The following PTPRD variants were observed in gnomAD, a reference collection of about 807,000 sequenced individuals.
PTPRD encodes the protein receptor-type tyrosine-protein phosphatase delta.
Under a neutral mutation model 214.5 loss-of-function variants are expected in PTPRD, and 34 were observed. That is an observed-to-expected ratio of 0.16 (90% CI 0.12 to 0.21). The LOEUF is 0.21. Ranked by LOEUF, PTPRD falls within the 10% of genes least tolerant of loss-of-function variation. PTPRD has a pLI of 1.00. For missense variants in PTPRD, 2,545 were observed against 2,398.7 expected (o/e 1.06, Z -1.27); for synonymous variants, 1,128 against 845.7 (o/e 1.33, Z -5.79).
chr9:9,408,782 T>G (rs990369034), intron 8 of PTPRD, among the ~76,000 whole-genome samples: 1 of 151,902 alleles, frequency 6.6e-6, no homozygotes, highest in Non-Finnish European at 1.5e-5. Flanking sequence ...AATAAAATAA[T>G]GAACATAAAA....
At chr9:8,973,115 A>G in intron 11 of PTPRD, among the ~76,000 whole-genome samples, 1 of 151,934 alleles carries the variant, frequency 6.6e-6, no homozygotes, top group Non-Finnish European at 1.5e-5. Flanking sequence ...CTTTGATTTT[A>G]GACACAGGTG....
chr9:9,734,029 A>T (rs914016008), intron 7 of PTPRD, among the ~76,000 whole-genome samples: 1 of 152,196 alleles, frequency 6.6e-6, no homozygotes, highest in African/African-American at 2.4e-5. Context: ...CAAGGATTTT[A>T]AGAGTTTCCA....
chr9:9,862,331 G>A lies in PTPRD; in HGVS notation c.-368+76176C>T, dbSNP rs180757073. On this transcript the variant is annotated intron_variant, in intron 5 of 45. Coordinates refer to ENST00000381196, the MANE Select transcript of PTPRD (RefSeq NM_002839.4). Reference sequence around the variant, plus strand: ...GCAAAAAGAAAGGAAACACAAATTAGGTTAATGAAAGATCTGCCCCATCTA... The same window carrying A: ...GCAAAAAGAAAGGAAACACAAATTAAGTTAATGAAAGATCTGCCCCATCTA... Among the ~76,000 whole-genome samples, 424 of 152,258 alleles carry A rather than the reference G, an allele frequency of 2.8e-3. 8 individuals carry two copies. The highest frequency in any genetic ancestry group is 7.5e-4 in the Non-Finnish European group (51 of 68,020).
chr9:9,948,466 G>T (rs1193716614), intron 4 of PTPRD, among the ~76,000 whole-genome samples: 1 of 151,952 alleles, frequency 6.6e-6, no homozygotes, highest in Admixed American at 6.6e-5. Context: ...CAAATAAATG[G>T]CAGGTGATGA....
At chr9:10,458,877 C>A (rs753925965) in intron 2 of PTPRD, among the ~76,000 whole-genome samples, 2 of 151,960 alleles carry the variant, frequency 1.3e-5, no homozygotes, top group Non-Finnish European at 2.9e-5. Flanking sequence ...CATATCATTT[C>A]TTTTATTTTT....
chr9:9,763,939 A>G (rs948880797), intron 6 of PTPRD, among the ~76,000 whole-genome samples: 1 of 152,134 alleles, frequency 6.6e-6, no homozygotes. Flanking sequence ...TATTTGGCCA[A>G]TTCCTCATTT....
chr9:8,686,037 A>C (rs1181980575), intron 12 of PTPRD, among the ~76,000 whole-genome samples: 1 of 152,198 alleles, frequency 6.6e-6, no homozygotes, highest in African/African-American at 2.4e-5. Flanking sequence ...TCTGAATGCT[A>C]AGGGACTCTC....
intron 39 of PTPRD, among the ~76,000 whole-genome samples, chr9:8,345,022 CAG>C (rs1856243945): frequency 1.5e-5 from 1 of 64,606 alleles, no homozygotes; most frequent in African/African-American, 3.2e-5. Context: ...AAAATTATGA[CAG>C]AATTACTTTA....
At position 10,393,635 on chromosome 9, in the gene PTPRD, G is replaced by GTA. The variant is rs529678306; in HGVS notation, c.-599-52620_-599-52619dup. On this transcript the variant is annotated intron_variant, in intron 2 of 45. Coordinates refer to ENST00000381196, the MANE Select transcript of PTPRD (RefSeq NM_002839.4). ...GCAAGACCCAGTACTTATTCTGCAAGTATATATATATATTAGAGAGAGAGA... is the reference window on the plus strand; with the variant it reads ...GCAAGACCCAGTACTTATTCTGCAAGTATATATATATATATTAGAGAGAGAGA... Among the ~76,000 whole-genome samples, 113 of 146,342 alleles carry GTA rather than the reference G, an allele frequency of 7.7e-4. 1 individual carries two copies. The highest frequency in any genetic ancestry group is 1.5e-3 in the Admixed American group (21 of 14,436).
chr9:9,780,129 A>C (rs192080462), intron 5 of PTPRD, among the ~76,000 whole-genome samples: 1 of 152,334 alleles, frequency 6.6e-6, no homozygotes, highest in African/African-American at 2.4e-5. Context: ...ATGGAGCTGG[A>C]GACCATAATC....
At chr9:10,210,809 ATATATATATATATG>A (rs1408457323) in intron 3 of PTPRD, among the ~76,000 whole-genome samples, 1 of 95,408 alleles carries the variant, frequency 1.0e-5, no homozygotes, top group African/African-American at 5.0e-5. Flanking sequence ...ATATATATAT[ATATATATATATATG>A]TATGTATGTA....
intron 3 of PTPRD, among the ~76,000 whole-genome samples, chr9:10,307,976 G>C (rs1237490712): frequency 6.6e-6 from 1 of 151,922 alleles, no homozygotes; most frequent in East Asian, 1.9e-4. Context: ...TTCCTTACAG[G>C]ATGAATAGTT....
At chr9:9,680,158 T>G (rs1306261166) in intron 7 of PTPRD, among the ~76,000 whole-genome samples, 2 of 151,880 alleles carry the variant, frequency 1.3e-5, no homozygotes, top group Non-Finnish European at 2.9e-5. Flanking sequence ...ATACTTTATT[T>G]CCAGCAATCC....
chr9:9,159,198 T>C (rs1274981272), intron 10 of PTPRD, among the ~76,000 whole-genome samples: 1 of 152,072 alleles, frequency 6.6e-6, no homozygotes, highest in African/African-American at 2.4e-5. Flanking sequence ...TACAAATTCC[T>C]AGCCATAGTA....
chr9:8,669,536 A>C (rs1234490776), intron 12 of PTPRD, among the ~76,000 whole-genome samples: 2 of 152,070 alleles, frequency 1.3e-5, no homozygotes, highest in African/African-American at 2.4e-5. Context: ...CTCCCATATA[A>C]AAAGACACCA....
At chr9:10,341,904 A>G (rs1337254565) in intron 2 of PTPRD, among the ~76,000 whole-genome samples, 1 of 151,694 alleles carries the variant, frequency 6.6e-6, no homozygotes, top group African/African-American at 2.4e-5. Context: ...GTGTTAAGCA[A>G]TCTTAGCAAC....
chr9:10,074,535 T>C (rs1404039611), intron 3 of PTPRD, among the ~76,000 whole-genome samples: 4 of 152,168 alleles, frequency 2.6e-5, no homozygotes, highest in Non-Finnish European at 2.9e-5. Context: ...ATTAATGTTT[T>C]GGATGCTCTT....
At chr9:9,077,077 C>G (rs868445463) in intron 10 of PTPRD, among the ~76,000 whole-genome samples, 2 of 151,634 alleles carry the variant, frequency 1.3e-5, no homozygotes, top group Non-Finnish European at 2.9e-5. Context: ...TTTTCATATA[C>G]CTGTTTGCCA....
chr9:10,340,919 T>C (rs1266178320), intron 3 of PTPRD, 44 bp downstream of exon 3: 1 of 151,960 alleles, frequency 6.6e-6, no homozygotes, highest in African/African-American at 2.4e-5. Flanking sequence ...ATGGATAGAA[T>C]TCAGTTTCTT....
Sources: gnomAD v4.1 joint callset for allele counts (sites outside exome capture counted in the v4.1 genomes callset) on GRCh38, gnomAD v4.1.1 for gene constraint, MANE v1.5 for transcripts, NCBI Gene and HGNC (gene_info 2026-07-23, HGNC 2026-07-21) for gene names.